MIA2: variants seen among roughly 807,000 people sequenced by gnomAD.
The protein encoded by MIA2 is melanoma inhibitory activity protein 2.
MIA2 carries 127 observed loss-of-function variants against 167.8 expected under a neutral mutation model. The ratio of observed to expected loss-of-function variants is 0.76; its 90% CI spans 0.66 to 0.88. The LOEUF (loss-of-function observed/expected upper bound fraction) is 0.88. Ranked by LOEUF, MIA2 falls within the 40% of genes least tolerant of loss-of-function variation. MIA2 has a pLI of 0.00. For synonymous variants in MIA2, 552 were observed against 541.9 expected, an observed-to-expected ratio of 1.02 and a Z score of -0.26; for missense variants, 1,690 against 1,624.7, an observed-to-expected ratio of 1.04 and a Z score of -0.69.
At chr14:39,331,338 C>T (rs2068826797) in intron 25 of MIA2, among the ~76,000 whole-genome samples, 1 of 152,076 alleles carries the variant, frequency 6.6e-6, no homozygotes, top group African/African-American at 2.4e-5. Context: ...TTATTTTGAG[C>T]CTATGTGTGT....
intron 3 of MIA2, among the ~76,000 whole-genome samples, chr14:39,244,282 T>G (rs2054191456): frequency 6.6e-6 from 1 of 152,176 alleles, no homozygotes; most frequent in Non-Finnish European, 1.5e-5. Context: ...TTTCTATGAC[T>G]AGCCTCAGGG....
intron 23 of MIA2, among the ~76,000 whole-genome samples, chr14:39,361,659 C>T (rs530353742): frequency 3.9e-5 from 6 of 152,192 alleles, no homozygotes; most frequent in South Asian, 2.1e-4. Context: ...AGGCTGATCT[C>T]GAACTCCTGA....
chr14:39,379,326 G>A (rs1272232906), intron 23 of MIA2, among the ~76,000 whole-genome samples: 2 of 152,058 alleles, frequency 1.3e-5, no homozygotes, highest in Non-Finnish European at 2.9e-5. Context: ...ACCTCTTTCA[G>A]GATAGTCCCT....
intron 25 of MIA2, among the ~76,000 whole-genome samples, chr14:39,344,481 C>T (rs1479027592): frequency 1.3e-5 from 2 of 152,192 alleles, no homozygotes; most frequent in Non-Finnish European, 1.5e-5. Flanking sequence ...AGCCTTCAAA[C>T]TATTTGTATC....
chr14:39,367,545 G>T (rs1330698237), intron 23 of MIA2, among the ~76,000 whole-genome samples: 2 of 152,196 alleles, frequency 1.3e-5, no homozygotes, highest in East Asian at 3.9e-4. Context: ...TTTGCAGTGG[G>T]AATGTGGATA....
chr14:39,289,032 G>A (rs2060355604), intron 9 of MIA2, among the ~76,000 whole-genome samples: 1 of 152,064 alleles, frequency 6.6e-6, no homozygotes, highest in African/African-American at 2.4e-5. Flanking sequence ...TCTTGGAAGA[G>A]TTTAAGAAGT....
At chr14:39,375,393 G>A (rs1261955419) in intron 23 of MIA2, among the ~76,000 whole-genome samples, 2 of 152,160 alleles carry the variant, frequency 1.3e-5, no homozygotes. Context: ...TAAAATGAGA[G>A]CATTAAAAGT....
chr14:39,353,348 C>T (rs188406498), downstream of MIA2, among the ~76,000 whole-genome samples: 1 of 152,244 alleles, frequency 6.6e-6, no homozygotes, highest in Admixed American at 6.5e-5. Flanking sequence ...CCCTCACACC[C>T]AAAAGCCCTT....
chr14:39,259,182 G>A (rs1270785343), intron 6 of MIA2, among the ~76,000 whole-genome samples: 1 of 152,238 alleles, frequency 6.6e-6, no homozygotes. Context: ...TAAATCCACA[G>A]AAGCTCTGCC....
chr14:39,320,907 A>G (rs750357345), intron 23 of MIA2, 21 bp from the exon 24 acceptor site: 5 of 1,606,168 alleles, frequency 3.1e-6, no homozygotes, highest in Non-Finnish European at 4.2e-6. Context: ...GAATTTAAAT[A>G]TGCTGTTTTA....
At position 39,237,379 on chromosome 14, in the gene MIA2, C is replaced by T. The variant is rs867944730; in HGVS notation, c.249+324C>T. Reference sequence around the variant, plus strand: ...CTGAGCTAAAGTAATCTGCCTGCTTCGGCCTCCCAAAGTGCCAGGATTACA... The same window carrying T: ...CTGAGCTAAAGTAATCTGCCTGCTTTGGCCTCCCAAAGTGCCAGGATTACA... On this transcript the variant is annotated intron_variant, in intron 2 of 28. Transcript: ENST00000640607. The T allele has an allele frequency of 5.5e-5, 17 of 308,914 alleles. No individual in the cohort carries two copies. In the Middle Eastern group the frequency reaches 6.1e-3, roughly 110 times the overall value. The allele number at this position is 308,914 out of a possible 1,614,324, so 19.1% of individuals were successfully genotyped here.
At chr14:39,382,021 A>G (rs918731501) in intron 23 of MIA2, among the ~76,000 whole-genome samples, 4 of 152,186 alleles carry the variant, frequency 2.6e-5, no homozygotes, top group African/African-American at 9.7e-5. Context: ...GGTCCAGGCT[A>G]AAGACTGTTC....
At chr14:39,323,296 T>C (rs1042351094) in intron 24 of MIA2, among the ~76,000 whole-genome samples, 3 of 152,060 alleles carry the variant, frequency 2.0e-5, no homozygotes, top group African/African-American at 7.2e-5. Context: ...CTGCTTGTGT[T>C]GATTTTGAAC....
chr14:39,343,858 T>C (rs2072608196), intron 25 of MIA2, among the ~76,000 whole-genome samples: 1 of 152,206 alleles, frequency 6.6e-6, no homozygotes, highest in African/African-American at 2.4e-5. Flanking sequence ...TATGTATATG[T>C]GCATTTGACC....
chr14:39,318,773 A>G (rs1031360454), intron 22 of MIA2, among the ~76,000 whole-genome samples: 29 of 152,118 alleles, frequency 1.9e-4, no homozygotes, highest in Admixed American at 1.7e-3. Context: ...TCACGTTACA[A>G]TGGAAAGCAT....
chr14:39,268,002 A>T (rs921380298), intron 6 of MIA2, among the ~76,000 whole-genome samples: 2 of 150,338 alleles, frequency 1.3e-5, no homozygotes, highest in African/African-American at 2.5e-5. Flanking sequence ...TTTGGTAAAG[A>T]ATGAATGCCC....
downstream of MIA2, among the ~76,000 whole-genome samples, chr14:39,354,341 C>T (rs998727175): frequency 1.2e-4 from 19 of 152,218 alleles, no homozygotes; most frequent in African/African-American, 4.3e-4. Context: ...TTTCATGTGT[C>T]TGTAGGCTGC....
chr14:39,380,890 G>A (rs973276528), intron 23 of MIA2, among the ~76,000 whole-genome samples: 5 of 152,012 alleles, frequency 3.3e-5, no homozygotes, highest in African/African-American at 1.2e-4. Flanking sequence ...GGCCTATTCC[G>A]AAGAGACTAG....
At chr14:39,356,285 G>A (rs1216440535), downstream of MIA2, among the ~76,000 whole-genome samples, 2 of 152,146 alleles carry the variant, frequency 1.3e-5, no homozygotes, top group East Asian at 1.9e-4. Flanking sequence ...GTCTTGGGAG[G>A]CTGTATGTAT....
Sources: allele counts gnomAD v4.1 joint callset (sites outside exome capture counted in the v4.1 genomes callset), GRCh38; gene constraint gnomAD v4.1.1; transcripts MANE v1.5; gene names NCBI Gene and HGNC (gene_info 2026-07-23, HGNC 2026-07-21).